MTUS1: variants seen among roughly 807,000 people sequenced by gnomAD.
The protein encoded by MTUS1 is microtubule associated scaffold protein 1.
MTUS1 carries 109 observed loss-of-function variants against 120.8 expected under a neutral mutation model. The observed-to-expected ratio is 0.90, with a 90% CI of 0.77 to 1.06. The LOEUF (loss-of-function observed/expected upper bound fraction) is 1.06. Among genes scored for constraint, MTUS1 ranks in the 50% least tolerant of loss-of-function variants. The pLI is 0.00. For synonymous variants in MTUS1, 737 were observed against 550.5 expected, an observed-to-expected ratio of 1.34 and a Z score of -4.74; for missense variants, 2,210 against 1,486.3, an observed-to-expected ratio of 1.49 and a Z score of -8.01.
chr8:17,786,298 G>C (rs1284551187), intron 1 of MTUS1, among the ~76,000 whole-genome samples: 1 of 152,150 alleles, frequency 6.6e-6, no homozygotes, highest in Non-Finnish European at 1.5e-5. Flanking sequence ...GTAGAGACCA[G>C]AGAGGTCTGG....
chr8:17,705,534 T>G (rs1819987616), intron 6 of MTUS1: 1 of 152,194 alleles, frequency 6.6e-6, no homozygotes, highest in African/African-American at 2.4e-5. Flanking sequence ...AACACCAATT[T>G]GAAACAAAAA....
intron 12 of MTUS1, among the ~76,000 whole-genome samples, chr8:17,652,130 A>G (rs574576877): frequency 1.4e-3 from 211 of 152,306 alleles, no homozygotes; most frequent in African/African-American, 4.6e-3. Context: ...ATAAACATGA[A>G]ATGAAAACAG....
At chr8:17,674,731 G>C (rs1812732596) in intron 8 of MTUS1, 1 of 995,814 alleles carries the variant, frequency 1.0e-6, no homozygotes, top group South Asian at 4.5e-5. Flanking sequence ...GCCTTTTTCA[G>C]CCAAGTTGCC....
intron 2 of MTUS1, among the ~76,000 whole-genome samples, chr8:17,751,626 G>A (rs538491562): frequency 2.7e-4 from 41 of 152,176 alleles, no homozygotes; most frequent in Admixed American, 7.8e-4. Flanking sequence ...TTGGGAGGCC[G>A]AGGCAGGTGG....
intron 2 of MTUS1, among the ~76,000 whole-genome samples, chr8:17,750,714 T>TA (rs1471294300): frequency 1.3e-5 from 2 of 152,304 alleles, no homozygotes; most frequent in African/African-American, 4.8e-5. Context: ...TTAAATGGCA[T>TA]AATATAACTA....
chr8:17,655,722 C>T (rs1485358394), intron 9 of MTUS1, 141 bp downstream of exon 9: 1 of 742,844 alleles, frequency 1.3e-6, no homozygotes. Flanking sequence ...CAGAGTGGGA[C>T]TCTGTCTTAA....
chr8:17,725,108 T>C (rs554052823), intron 3 of MTUS1, among the ~76,000 whole-genome samples: 35 of 152,226 alleles, frequency 2.3e-4, no homozygotes, highest in Admixed American at 3.9e-4. Context: ...GAATCATCTT[T>C]TCTTCCCCAG....
At chr8:17,785,704 C>A (rs573867318) in intron 1 of MTUS1, among the ~76,000 whole-genome samples, 1 of 152,282 alleles carries the variant, frequency 6.6e-6, no homozygotes, top group East Asian at 1.9e-4. Flanking sequence ...CCAGGTACCC[C>A]AGGGTCACAG....
chr8:17,733,036 C>G (rs1416092770), intron 3 of MTUS1, among the ~76,000 whole-genome samples: 3 of 152,078 alleles, frequency 2.0e-5, no homozygotes, highest in Non-Finnish European at 4.4e-5. Context: ...ACTCCAAGTC[C>G]TAACTATGAT....
At chr8:17,682,224 T>A (rs1188131689) in intron 7 of MTUS1, among the ~76,000 whole-genome samples, 1 of 151,978 alleles carries the variant, frequency 6.6e-6, no homozygotes, top group African/African-American at 2.4e-5. Flanking sequence ...GTTAAAAAGG[T>A]GCTATCACAG....
chr8:17,674,551 G>A (rs576207520), intron 8 of MTUS1: 2 of 985,804 alleles, frequency 2.0e-6, no homozygotes, highest in Non-Finnish European at 2.4e-6. Flanking sequence ...GGAAACTGGA[G>A]GGCTGGGTGG....
At chr8:17,762,218 G>A (rs542351280) in intron 1 of MTUS1, among the ~76,000 whole-genome samples, 36 of 152,280 alleles carry the variant, frequency 2.4e-4, no homozygotes, top group African/African-American at 8.2e-4. Context: ...GGCGGAGGTC[G>A]CAGTGAGCCG....
At chr8:17,762,868 C>T (rs1337360836) in intron 1 of MTUS1, among the ~76,000 whole-genome samples, 2 of 152,180 alleles carry the variant, frequency 1.3e-5, no homozygotes, top group Admixed American at 1.3e-4. Flanking sequence ...TGATACCAAT[C>T]CTTTTGGTCC....
chr8:17,786,175 C>CT (rs2051288837), intron 1 of MTUS1, among the ~76,000 whole-genome samples: 1 of 152,056 alleles, frequency 6.6e-6, no homozygotes, highest in Non-Finnish European at 1.5e-5. Flanking sequence ...GCTTAGAACA[C>CT]GTCAAGGAAG....
At chr8:17,713,878 T>A (rs1164921441) in intron 5 of MTUS1, among the ~76,000 whole-genome samples, 1 of 152,198 alleles carries the variant, frequency 6.6e-6, no homozygotes, top group Non-Finnish European at 1.5e-5. Context: ...GATGATGATC[T>A]CTTAAAATAC....
chr8:17,714,603 G>C (rs563954740), intron 5 of MTUS1, among the ~76,000 whole-genome samples: 1 of 152,126 alleles, frequency 6.6e-6, no homozygotes, highest in East Asian at 1.9e-4. Context: ...AAGTGAAGAA[G>C]CTCTCCTGAT....
intron 7 of MTUS1, chr8:17,676,215 A>G: frequency 1.4e-6 from 1 of 702,108 alleles, no homozygotes; most frequent in Non-Finnish European, 2.6e-6. Flanking sequence ...TGAATTCCAG[A>G]CAGCCTCTGC....
At chr8:17,694,215 G>C (rs533246186) in intron 6 of MTUS1, among the ~76,000 whole-genome samples, 2 of 152,290 alleles carry the variant, frequency 1.3e-5, no homozygotes, top group East Asian at 1.9e-4. Context: ...GTGTGAGCCA[G>C]TGGCACCAGC....
chr8:17,667,281 T>C (rs1346532742), intron 8 of MTUS1, among the ~76,000 whole-genome samples: 3 of 152,224 alleles, frequency 2.0e-5, no homozygotes, highest in Non-Finnish European at 2.9e-5. Context: ...AGCCCTGTTT[T>C]GGTGTACAGT....
Sources: allele counts gnomAD v4.1 joint callset (sites outside exome capture counted in the v4.1 genomes callset), GRCh38; gene constraint gnomAD v4.1.1; transcripts MANE v1.5; gene names NCBI Gene and HGNC (gene_info 2026-07-23, HGNC 2026-07-21).